The following SIK3 variants were observed in gnomAD, a reference collection of about 807,000 sequenced individuals.
SIK3 encodes the protein serine/threonine-protein kinase SIK3.
A neutral mutation model predicts 144.2 loss-of-function variants in SIK3; 28 were observed. That is an observed-to-expected ratio of 0.19 (90% CI 0.14 to 0.27). The LOEUF (loss-of-function observed/expected upper bound fraction) is 0.27, where lower values mean the gene tolerates loss of function less well. Ranked by LOEUF, SIK3 falls within the 10% of genes least tolerant of loss-of-function variation. SIK3 has a pLI of 1.00. For synonymous variants in SIK3, 686 were observed against 676.3 expected, an observed-to-expected ratio of 1.01 and a Z score of -0.22; for missense variants, 1,319 against 1,776.0, an observed-to-expected ratio of 0.74 and a Z score of 4.62.
At chr11:117,063,575 T>C (rs979336252) in intron 1 of SIK3, among the ~76,000 whole-genome samples, 2 of 151,554 alleles carry the variant, frequency 1.3e-5, no homozygotes, top group African/African-American at 4.8e-5. Context: ...TTTAACTTCT[T>C]AATGAAGTTT....
intron 6 of SIK3, among the ~76,000 whole-genome samples, chr11:116,880,623 T>C (rs1488393297): frequency 6.6e-6 from 1 of 152,186 alleles, no homozygotes; most frequent in African/African-American, 2.4e-5. Context: ...ATGTAGTTCA[T>C]GAAATTAAAT....
intron 15 of SIK3, among the ~76,000 whole-genome samples, chr11:116,866,151 T>A (rs962273607): frequency 1.3e-5 from 2 of 152,110 alleles, no homozygotes; most frequent in African/African-American, 2.4e-5. Flanking sequence ...GGGTCTGTGA[T>A]AAAGCCTGAC....
rs145971457 is a variant in SIK3, at chr11:116,899,148, G to A, written c.617-1831C>T. ...TAATCCATCGTGAATTGATTTTTGT[G>A]TAAGGTGTAAGGAAGGGATCCAGTT... On this transcript the variant is annotated intron_variant, in intron 4 of 24. Coordinates refer to ENST00000445177, the MANE Select transcript of SIK3 (RefSeq NM_001366686.3). Among the ~76,000 whole-genome samples the A allele has an allele frequency of 6.8e-3, 1,040 of 152,172 alleles. 11 individuals carry two copies. The highest frequency in any genetic ancestry group is 0.023 in the African/African-American group (961 of 41,498).
intron 21 of SIK3, among the ~76,000 whole-genome samples, chr11:116,850,498 T>C (rs1048463940): frequency 6.6e-6 from 1 of 152,252 alleles, no homozygotes; most frequent in Non-Finnish European, 1.5e-5. Context: ...TATTAAACTT[T>C]TCCTTTCAAA....
intron 1 of SIK3, among the ~76,000 whole-genome samples, chr11:117,077,457 T>A (rs56188860): frequency 0.056 from 8,526 of 152,292 alleles, 526 homozygotes; most frequent in African/African-American, 0.15. Context: ...TTGGGAAATC[T>A]CTTCCATGAA....
chr11:116,947,569 A>ATGTATGTATGTATTTTT (rs374241141), intron 3 of SIK3, among the ~76,000 whole-genome samples: 2 of 109,448 alleles, frequency 1.8e-5, no homozygotes, highest in Non-Finnish European at 3.7e-5. Context: ...GTATGTATGT[A>ATGTATGTATGTATTTTT]TTTTTTTTTT....
At chr11:116,900,869 T>A (rs674893) in intron 4 of SIK3, among the ~76,000 whole-genome samples, 99,444 of 148,542 alleles carry the variant, frequency 0.67, 35,561 homozygotes, top group East Asian at 0.81. Context: ...TTATTTATTT[T>A]TTTTTTTTTT....
chr11:117,088,348 T>C (rs1481097679), intron 1 of SIK3, among the ~76,000 whole-genome samples: 1 of 152,156 alleles, frequency 6.6e-6, no homozygotes. Flanking sequence ...ATGCCAAAAA[T>C]CAATTACTAG....
At chr11:116,958,626 A>G (rs1213564253) in intron 1 of SIK3, among the ~76,000 whole-genome samples, 2 of 152,176 alleles carry the variant, frequency 1.3e-5, no homozygotes, top group African/African-American at 4.8e-5. Context: ...CCTACAGGAG[A>G]AGAGGTAGAA....
At chr11:116,929,939 G>GT (rs952271250) in intron 3 of SIK3, among the ~76,000 whole-genome samples, 1 of 152,162 alleles carries the variant, frequency 6.6e-6, no homozygotes, top group African/African-American at 2.4e-5. Flanking sequence ...AAAGGTAGCT[G>GT]TAACAGCGCA....
intron 1 of SIK3, among the ~76,000 whole-genome samples, chr11:116,962,304 T>C (rs1418198084): frequency 6.6e-6 from 1 of 152,114 alleles, no homozygotes; most frequent in African/African-American, 2.4e-5. Context: ...AATGCAAAGA[T>C]CACAAGGGCT....
chr11:116,920,450 C>T (rs927375392), intron 4 of SIK3, among the ~76,000 whole-genome samples: 5 of 152,174 alleles, frequency 3.3e-5, no homozygotes, highest in Non-Finnish European at 7.3e-5. Context: ...CAGTACCTCT[C>T]GCACAAATCA....
intron 3 of SIK3, among the ~76,000 whole-genome samples, chr11:116,929,570 G>A (rs916817757): frequency 6.6e-6 from 1 of 152,188 alleles, no homozygotes; most frequent in Non-Finnish European, 1.5e-5. Flanking sequence ...GAAGCTGCTG[G>A]AATGCAGCCT....
At chr11:117,038,599 C>T (rs1391500914) in intron 1 of SIK3, among the ~76,000 whole-genome samples, 2 of 152,022 alleles carry the variant, frequency 1.3e-5, no homozygotes, top group South Asian at 2.1e-4. Context: ...TCAGGTGATC[C>T]TCCTCGGCCT....
Position 116,849,362 on chromosome 11 carries a change from G to GC in SIK3, c.3656-80dup. ...GAAACTCCCATCCAAGAAATGTCTT[G>GC]CAAGGGACAATGGGCAAGGCTGAGG... On this transcript the variant is annotated intron_variant, in intron 21 of 24. Coordinates refer to ENST00000445177, the MANE Select transcript of SIK3 (RefSeq NM_001366686.3). The surrounding 1 kb of genome is among the most constrained non-coding windows in gnomAD (Gnocchi z 4.2). 14 of 1,561,782 alleles carry GC rather than the reference G, an allele frequency of 9.0e-6. No individual in the cohort carries two copies. The highest frequency in any genetic ancestry group is 1.2e-5 in the Non-Finnish European group (14 of 1,141,238).
chr11:116,922,499 G>A (rs189318002), intron 4 of SIK3, among the ~76,000 whole-genome samples: 1 of 151,974 alleles, frequency 6.6e-6, no homozygotes, highest in East Asian at 1.9e-4. Context: ...AAAAAGAAGG[G>A]GGAAGGGGCG....
At chr11:117,025,564 G>T (rs1951972325) in intron 1 of SIK3, among the ~76,000 whole-genome samples, 1 of 146,688 alleles carries the variant, frequency 6.8e-6, no homozygotes, top group South Asian at 2.2e-4. Context: ...GAGTAGCTGA[G>T]ACCACAGGCA....
At chr11:117,035,853 T>C (rs1450019196) in intron 1 of SIK3, 1 of 1,589,484 alleles carries the variant, frequency 6.3e-7, no homozygotes, top group Non-Finnish European at 8.5e-7. Flanking sequence ...TTTCCTCCTG[T>C]AGGCTGGCAG....
At chr11:117,061,423 A>G (rs1481818292) in intron 1 of SIK3, among the ~76,000 whole-genome samples, 2 of 152,170 alleles carry the variant, frequency 1.3e-5, no homozygotes, top group African/African-American at 4.8e-5. Context: ...TGGCTCTTCC[A>G]CTTAATGGTT....
Sources: allele counts gnomAD v4.1 joint callset (sites outside exome capture counted in the v4.1 genomes callset), GRCh38; gene constraint gnomAD v4.1.1; non-coding constraint Gnocchi (gnomAD v3.1); transcripts MANE v1.5; gene names NCBI Gene and HGNC (gene_info 2026-07-23, HGNC 2026-07-21).